PTPRD: variants seen among roughly 807,000 people sequenced by gnomAD.
The protein encoded by PTPRD is receptor-type tyrosine-protein phosphatase delta.
Under a neutral mutation model 214.5 loss-of-function variants are expected in PTPRD, and 34 were observed. That is an observed-to-expected ratio of 0.16 (90% CI 0.12 to 0.21). The LOEUF (loss-of-function observed/expected upper bound fraction) is 0.21. Ranked by LOEUF, PTPRD falls within the 10% of genes least tolerant of loss-of-function variation. The pLI, the probability that PTPRD is intolerant of heterozygous loss-of-function variation, is 1.00. For missense variants in PTPRD, 2,545 were observed against 2,398.7 expected (o/e 1.06, Z -1.27); for synonymous variants, 1,128 against 845.7 (o/e 1.33, Z -5.79).
At chr9:8,454,439 T>A in intron 33 of PTPRD, 1 of 744,306 alleles carries the variant, frequency 1.3e-6, no homozygotes, top group South Asian at 1.6e-5. Context: ...TTACTGTGTA[T>A]ATGTAGGCTT....
intron 2 of PTPRD, among the ~76,000 whole-genome samples, chr9:10,348,072 A>G (rs977792710): frequency 6.6e-6 from 1 of 152,150 alleles, no homozygotes; most frequent in African/African-American, 2.4e-5. Context: ...AACAAAATGT[A>G]CAATAGATTC....
chr9:9,986,501 T>C (rs1442372160), intron 4 of PTPRD, among the ~76,000 whole-genome samples: 1 of 152,152 alleles, frequency 6.6e-6, no homozygotes, highest in Non-Finnish European at 1.5e-5. Context: ...AATGTATGCA[T>C]GTGTAAACCC....
At chr9:8,804,247 C>A (rs531980388) in intron 11 of PTPRD, among the ~76,000 whole-genome samples, 2 of 152,162 alleles carry the variant, frequency 1.3e-5, no homozygotes, top group East Asian at 3.9e-4. Flanking sequence ...GCCACTGTGC[C>A]CAGCCCCTCA....
chr9:10,497,212 GA>G (rs1287369547), intron 2 of PTPRD, among the ~76,000 whole-genome samples: 2 of 151,928 alleles, frequency 1.3e-5, no homozygotes, highest in Non-Finnish European at 2.9e-5. Context: ...CTCACCACCT[GA>G]GTGATGAGAT....
chr9:9,560,338 G>C (rs729002), intron 8 of PTPRD, among the ~76,000 whole-genome samples: 7,677 of 152,248 alleles, frequency 0.05, 299 homozygotes, highest in Non-Finnish European at 0.079. Context: ...AAGAACATAT[G>C]GTGGTAGATT....
At chr9:8,543,312 A>C (rs868714713) in intron 14 of PTPRD, among the ~76,000 whole-genome samples, 23 of 152,218 alleles carry the variant, frequency 1.5e-4, no homozygotes, top group Admixed American at 6.5e-5. Flanking sequence ...CAACAAAAAA[A>C]GTTTTCTCAG....
chr9:8,836,959 T>C (rs1398964447), intron 11 of PTPRD, among the ~76,000 whole-genome samples: 1 of 150,722 alleles, frequency 6.6e-6, no homozygotes, highest in Non-Finnish European at 1.5e-5. Context: ...CTACCATTAA[T>C]AACCCACCCA....
intron 5 of PTPRD, among the ~76,000 whole-genome samples, chr9:9,881,767 A>C (rs1057338636): frequency 6.6e-6 from 1 of 152,160 alleles, no homozygotes; most frequent in Non-Finnish European, 1.5e-5. Context: ...CAGAGTAACC[A>C]TATCATTTGC....
At chr9:9,695,173 G>C (rs185155473) in intron 7 of PTPRD, among the ~76,000 whole-genome samples, 4 of 152,082 alleles carry the variant, frequency 2.6e-5, no homozygotes, top group Non-Finnish European at 4.4e-5. Context: ...GTCAGAAGTC[G>C]ATGAATCTTG....
chr9:10,315,378 A>G (rs1285373467), intron 3 of PTPRD, among the ~76,000 whole-genome samples: 1 of 151,914 alleles, frequency 6.6e-6, no homozygotes, highest in East Asian at 1.9e-4. Context: ...AATATCATAA[A>G]TGTCTTAACT....
intron 2 of PTPRD, among the ~76,000 whole-genome samples, chr9:10,595,111 T>G (rs1363034666): frequency 6.6e-6 from 1 of 151,900 alleles, no homozygotes; most frequent in African/African-American, 2.4e-5. Flanking sequence ...CTTGTCTAAC[T>G]CTGCAGAGGT....
intron 11 of PTPRD, among the ~76,000 whole-genome samples, chr9:8,793,049 T>C (rs2096286174): frequency 6.6e-6 from 1 of 152,172 alleles, no homozygotes. Context: ...TAAGGTCCTG[T>C]AGCGCTTTAG....
Position 8,653,886 on chromosome 9 carries a change from C to T in PTPRD, c.65-17042G>A, listed in dbSNP as rs187999336. On this transcript the variant is annotated intron_variant, in intron 12 of 45. Transcript: ENST00000381196. ...CACTTGTGCTCTTGATCCACCTCTT[C>T]GCCATGCCCTAGGAACCTTGGTGCA... Among the ~76,000 whole-genome samples, 15 of 152,318 alleles carry T rather than the reference C, an allele frequency of 9.8e-5. No homozygotes were observed. The East Asian group carries it at 2.5e-3, about 25-fold the overall frequency.
chr9:10,540,151 T>A (rs938592955), intron 2 of PTPRD, among the ~76,000 whole-genome samples: 18 of 152,118 alleles, frequency 1.2e-4, no homozygotes, highest in African/African-American at 4.3e-4. Context: ...TCCCTCAGCC[T>A]CCAGAGTAGT....
chr9:10,009,702 T>TCTC (rs59863510), intron 4 of PTPRD, among the ~76,000 whole-genome samples: 77,294 of 151,490 alleles, frequency 0.51, 22,026 homozygotes, highest in Middle Eastern at 0.68. Flanking sequence ...GGAAGGGGAT[T>TCTC]TACGGAATGA....
intron 14 of PTPRD, among the ~76,000 whole-genome samples, chr9:8,583,921 G>T (rs778089185): frequency 6.6e-6 from 1 of 152,156 alleles, no homozygotes; most frequent in Admixed American, 6.5e-5. Flanking sequence ...GGAAGCCAAG[G>T]CGGGCAGATC....
chr9:9,389,531 A>G (rs7863438), intron 9 of PTPRD, among the ~76,000 whole-genome samples: 40,531 of 152,116 alleles, frequency 0.27, 5,551 homozygotes, highest in Middle Eastern at 0.31. Context: ...ATAAAAAAAC[A>G]TTAATTATGT....
At chr9:9,878,008 C>A (rs968584637) in intron 5 of PTPRD, among the ~76,000 whole-genome samples, 3 of 151,076 alleles carry the variant, frequency 2.0e-5, no homozygotes, top group East Asian at 3.9e-4. Context: ...CATGTTTGCC[C>A]TTCTCACTAT....
At chr9:9,291,395 G>A (rs1275632121) in intron 9 of PTPRD, among the ~76,000 whole-genome samples, 1 of 151,422 alleles carries the variant, frequency 6.6e-6, no homozygotes, top group Non-Finnish European at 1.5e-5. Flanking sequence ...TGTCCTTGAA[G>A]AAGATGCCCC....
Sources: gnomAD v4.1 joint callset for allele counts (sites outside exome capture counted in the v4.1 genomes callset) on GRCh38, gnomAD v4.1.1 for gene constraint, MANE v1.5 for transcripts, NCBI Gene and HGNC (gene_info 2026-07-23, HGNC 2026-07-21) for gene names.